PLEKHA5: variants seen among roughly 807,000 people sequenced by gnomAD.
PLEKHA5 encodes the protein pleckstrin homology domain-containing family A member 5.
In PLEKHA5, 55 loss-of-function variants were observed where a neutral mutation model predicts 181.9. The observed-to-expected ratio is 0.30, with a 90% CI of 0.24 to 0.38. The LOEUF (loss-of-function observed/expected upper bound fraction) is 0.38, where lower values mean the gene tolerates loss of function less well. Ranked by LOEUF, PLEKHA5 falls within the 10% of genes least tolerant of loss-of-function variation. PLEKHA5 has a pLI of 1.00. For synonymous variants in PLEKHA5, 535 were observed against 529.4 expected (o/e 1.01, Z -0.15); for missense variants, 1,432 against 1,549.5 (o/e 0.92, Z 1.27).
At chr12:19,136,847 A>G (rs1275279904) in intron 3 of PLEKHA5, among the ~76,000 whole-genome samples, 3 of 152,134 alleles carry the variant, frequency 2.0e-5, no homozygotes, top group Non-Finnish European at 4.4e-5. Context: ...GTTTTGTTTC[A>G]ATATCTGCAA....
At chr12:19,324,918 C>T (rs1054956344) in intron 20 of PLEKHA5, among the ~76,000 whole-genome samples, 6 of 152,138 alleles carry the variant, frequency 3.9e-5, no homozygotes, top group Non-Finnish European at 7.4e-5. Flanking sequence ...GTAGGCTCTA[C>T]AGACATTTAG....
chr12:19,261,096 A>T, intron 7 of PLEKHA5, 75 bp downstream of exon 7: 3 of 743,554 alleles, frequency 4.0e-6, no homozygotes, highest in Non-Finnish European at 4.5e-6. Context: ...AGATACTTTA[A>T]AAAGTATTGT....
chr12:19,291,581 G>A, intron 14 of PLEKHA5, 63 bp from the exon 15 acceptor site: 1 of 954,586 alleles, frequency 1.0e-6, no homozygotes, highest in South Asian at 1.5e-5. Context: ...TTCCAAAATT[G>A]ACCTTTTCTT....
chr12:19,180,366 T>C (rs1410195557), intron 3 of PLEKHA5, among the ~76,000 whole-genome samples: 5 of 152,260 alleles, frequency 3.3e-5, no homozygotes, highest in African/African-American at 1.2e-4. Flanking sequence ...CCCCTCTATT[T>C]AACCCATGAG....
intron 16 of PLEKHA5, among the ~76,000 whole-genome samples, chr12:19,316,681 A>G (rs1489981330): frequency 2.0e-5 from 3 of 152,116 alleles, no homozygotes; most frequent in Admixed American, 6.6e-5. Flanking sequence ...AGACTGTCTT[A>G]TTTTTATTCA....
chr12:19,322,036 T>C (rs1376778303), intron 18 of PLEKHA5, among the ~76,000 whole-genome samples: 1 of 152,190 alleles, frequency 6.6e-6, no homozygotes, highest in African/African-American at 2.4e-5. Context: ...TTGTTTATAT[T>C]ATTTTCTAAG....
At chr12:19,157,510 C>T (rs2042031353) in intron 3 of PLEKHA5, among the ~76,000 whole-genome samples, 2 of 151,674 alleles carry the variant, frequency 1.3e-5, no homozygotes, top group African/African-American at 4.8e-5. Flanking sequence ...TTATTTAAAT[C>T]CGAAACTATT....
chr12:19,313,859 C>T lies in PLEKHA5; in HGVS notation c.2038-955C>T, dbSNP rs974069816. Among the ~76,000 whole-genome samples, 6 of 152,080 alleles carry T rather than the reference C, an allele frequency of 3.9e-5. No individual in the cohort carries two copies. The East Asian group carries it at 1.2e-3, about 29-fold the overall frequency. Reference sequence around the variant, plus strand: ...AGTTTTAAGATTTAGTTTTTTCTTACATTATATTAATAAATTTATTAATTT... The same window carrying T: ...AGTTTTAAGATTTAGTTTTTTCTTATATTATATTAATAAATTTATTAATTT... On this transcript the variant is annotated intron_variant, in intron 15 of 31. Transcript: ENST00000429027.
chr12:19,334,830 ATATATATATAT>A lies in PLEKHA5; in HGVS notation c.2449-1684_2449-1674del, dbSNP rs1448536662. 8.9e-4 allele frequency among the ~76,000 whole-genome samples: 33 copies of A among 36,982 alleles called. 3 individuals are homozygous for A. Among genetic ancestry groups the A allele is most frequent in the African/African-American group, 2.1e-3 (29 of 13,860 alleles). 24.3% of individuals were successfully genotyped at this position (36,982 alleles called of 152,430 possible). On this transcript the variant is annotated intron_variant, in intron 20 of 31. Transcript: ENST00000429027. ...AATCCTGTCTTCACAAAAAAAAAAA[ATATATATATAT>A]ATATATATATATATATATATATATA...
At chr12:19,131,951 G>A (rs1471061372) in intron 2 of PLEKHA5, among the ~76,000 whole-genome samples, 1 of 152,042 alleles carries the variant, frequency 6.6e-6, no homozygotes, top group Non-Finnish European at 1.5e-5. Flanking sequence ...CCTTCTTTTT[G>A]GTGACACTTC....
chr12:19,312,164 G>A (rs1374103648), intron 15 of PLEKHA5, among the ~76,000 whole-genome samples: 1 of 152,172 alleles, frequency 6.6e-6, no homozygotes, highest in Non-Finnish European at 1.5e-5. Context: ...AGTAAACCAT[G>A]CTGTAAACAG....
chr12:19,232,308 A>C (rs2060753587), intron 3 of PLEKHA5, among the ~76,000 whole-genome samples: 1 of 152,088 alleles, frequency 6.6e-6, no homozygotes, highest in African/African-American at 2.4e-5. Context: ...ATTGGGGTAG[A>C]TCTCTCTGAG....
intron 3 of PLEKHA5, among the ~76,000 whole-genome samples, chr12:19,246,901 C>T (rs762891767): frequency 2.6e-5 from 4 of 152,124 alleles, no homozygotes; most frequent in Non-Finnish European, 5.9e-5. Context: ...ATAGGCCCCT[C>T]ACTTTTATGG....
intron 11 of PLEKHA5, among the ~76,000 whole-genome samples, chr12:19,280,727 TTC>T (rs2075893571): frequency 1.3e-5 from 2 of 150,286 alleles, no homozygotes; most frequent in African/African-American, 5.0e-5. Flanking sequence ...AATTTAATTT[TTC>T]TTTTTCTTTT....
intron 8 of PLEKHA5, among the ~76,000 whole-genome samples, chr12:19,268,194 G>A (rs2071207798): frequency 6.6e-6 from 1 of 152,082 alleles, no homozygotes; most frequent in Admixed American, 6.5e-5. Flanking sequence ...TAAAACAAAA[G>A]TTAACACTTT....
chr12:19,294,078 C>T (rs1364829329), intron 15 of PLEKHA5, among the ~76,000 whole-genome samples: 2 of 152,028 alleles, frequency 1.3e-5, no homozygotes, highest in Non-Finnish European at 2.9e-5. Flanking sequence ...TTGAATGGTA[C>T]TTGTGTTTGA....
chr12:19,311,605 C>T (rs895376028), intron 15 of PLEKHA5, among the ~76,000 whole-genome samples: 5 of 152,162 alleles, frequency 3.3e-5, no homozygotes, highest in African/African-American at 9.6e-5. Context: ...ACTTTCTTTG[C>T]TCATCCATAA....
At chr12:19,171,809 T>C (rs1183348121) in intron 3 of PLEKHA5, among the ~76,000 whole-genome samples, 1 of 152,168 alleles carries the variant, frequency 6.6e-6, no homozygotes, top group Non-Finnish European at 1.5e-5. Context: ...AACTTTTTTG[T>C]TAGCTTTTTA....
rs118094935 is a variant in PLEKHA5, at chr12:19,240,274, A to G, written c.228-13666A>G. Among the ~76,000 whole-genome samples the G allele has an allele frequency of 3.0e-3, 462 of 152,294 alleles. 1 individual carries two copies. Among genetic ancestry groups the G allele is most frequent in the Non-Finnish European group, 5.6e-3 (384 of 68,014 alleles). ...CTTTAAATTGTGTGGCAATTTATGT[A>G]TAGGTTATAATTTGGTTAACTTTCT... On this transcript the variant is annotated intron_variant, in intron 3 of 31. Coordinates refer to ENST00000429027, the MANE Select transcript of PLEKHA5 (RefSeq NM_001256470.2).
Sources: allele counts gnomAD v4.1 joint callset (sites outside exome capture counted in the v4.1 genomes callset), GRCh38; gene constraint gnomAD v4.1.1; transcripts MANE v1.5; gene names NCBI Gene and HGNC (gene_info 2026-07-23, HGNC 2026-07-21).